RNF19B: variants seen among roughly 807,000 people sequenced by gnomAD.
RNF19B encodes ring finger protein 19B, also known as E3 ubiquitin-protein ligase RNF19B.
RNF19B carries 23 observed loss-of-function variants against 65.5 expected under a neutral mutation model. The ratio of observed to expected loss-of-function variants is 0.35; its 90% CI spans 0.25 to 0.50. RNF19B has a LOEUF of 0.50. RNF19B is among the 20% of genes least tolerant of loss of function. RNF19B has a pLI of 0.98. For synonymous variants in RNF19B, 372 were observed against 379.6 expected, an observed-to-expected ratio of 0.98 and a Z score of 0.23; for missense variants, 794 against 980.0, an observed-to-expected ratio of 0.81 and a Z score of 2.53.
chr1:32,954,654 C>T (rs1309107506), intron 1 of RNF19B, among the ~76,000 whole-genome samples: 1 of 150,970 alleles, frequency 6.6e-6, no homozygotes, highest in Non-Finnish European at 1.5e-5. Flanking sequence ...AGGAGAATTG[C>T]TTGAAACTGG....
intron 1 of RNF19B, among the ~76,000 whole-genome samples, chr1:32,952,429 TAAAAAAAAA>T (rs375150376): frequency 2.4e-4 from 18 of 73,998 alleles, no homozygotes; most frequent in African/African-American, 1.2e-3. Context: ...CCTTTTCTCT[TAAAAAAAAA>T]AAAAAAAAAA....
intron 1 of RNF19B, among the ~76,000 whole-genome samples, chr1:32,959,472 G>A (rs1254961366): frequency 1.3e-5 from 2 of 152,158 alleles, no homozygotes; most frequent in Non-Finnish European, 2.9e-5. Flanking sequence ...CTTGGGCAGA[G>A]ACTCAAAAGC....
Position 32,964,728 on chromosome 1 carries a change from C to A in RNF19B, c.-43G>T. 7.4e-7 allele frequency: 1 copy of A among 1,358,456 alleles called. No homozygotes were observed. Among genetic ancestry groups the A allele is most frequent in the Non-Finnish European group, 9.4e-7 (1 of 1,059,528 alleles). 84.2% of individuals were successfully genotyped at this position (1,358,456 alleles called of 1,614,324 possible). On this transcript the variant is annotated 5_prime_UTR_variant, in exon 1 of 9. Transcript: ENST00000235150. This position sits in a 1 kb window ranked among gnomAD's most constrained non-coding sequence, Gnocchi z 6.5. ...GAGCCAGGGGCGCCCAGCGCCGCCA[C>A]AGCTCCCGCCTCAGCGCCCCTCAGC...
At chr1:32,957,883 T>C (rs1642676996) in intron 1 of RNF19B, among the ~76,000 whole-genome samples, 1 of 152,222 alleles carries the variant, frequency 6.6e-6, no homozygotes. Context: ...ATACTATTCT[T>C]GCTTATCTCT....
downstream of RNF19B, among the ~76,000 whole-genome samples, chr1:32,932,693 G>A (rs935571120): frequency 2.0e-5 from 3 of 152,084 alleles, no homozygotes; most frequent in Non-Finnish European, 4.4e-5. Context: ...TCTGTCTGGC[G>A]CTGAAGATTA....
At position 32,964,543 on chromosome 1, in the gene RNF19B, G is replaced by A; in HGVS notation, c.143C>T (p.Ala48Val). The change falls in exon 1 of 9, where the codon GCC becomes GTC. Residue 48 changes from alanine (A) to valine (V), a missense_variant. Ala to Val is a moderately conservative substitution (Grantham distance 64). Around this residue, in one of 3 missense-constraint regions of RNF19B, gnomAD observed 374 missense variants for 423.8 expected, o/e 0.88. Coordinates refer to ENST00000235150, the MANE Select transcript of RNF19B (RefSeq NM_001300826.2). This position sits in a 1 kb window ranked among gnomAD's most constrained non-coding sequence, Gnocchi z 6.5. ...CGGCTCGGCCTGCGGCTTGGCCCGGGCGCGGCGGCCGCGGGCCGAGGCAGA... is the reference window on the plus strand; with the variant it reads ...CGGCTCGGCCTGCGGCTTGGCCCGGACGCGGCGGCCGCGGGCCGAGGCAGA... The part of the protein sequence containing the change: ...VFSASARGRR[A>V]RAKPQAEPPP... The A allele has an allele frequency of 8.3e-7, 1 of 1,202,516 alleles. No individual in the cohort carries two copies. The highest frequency in any genetic ancestry group is 1.0e-6 in the Non-Finnish European group (1 of 961,322). 74.5% of individuals were successfully genotyped at this position (1,202,516 alleles called of 1,614,324 possible). A position where few individuals can be genotyped will look rare whatever the true frequency, so the allele number is the denominator to read the frequency against.
At chr1:32,954,226 T>C (rs1462423896) in intron 1 of RNF19B, among the ~76,000 whole-genome samples, 1 of 151,588 alleles carries the variant, frequency 6.6e-6, no homozygotes, top group African/African-American at 2.4e-5. Context: ...TTTTTTTTTT[T>C]CTTGAAAAAG....
Position 32,946,164 on chromosome 1 carries a change from G to A in RNF19B, c.1146+238C>T, listed in dbSNP as rs572899211. ...ACGTATTACAAATGTGAACCATCAT[G>A]CCTGGCCCAGCATTCTACCTTTAAG... is the stretch of plus-strand genomic sequence containing the variant. On this transcript the variant is annotated intron_variant, in intron 4 of 8. Coordinates refer to ENST00000235150, the MANE Select transcript of RNF19B (RefSeq NM_001300826.2). Among the ~76,000 whole-genome samples, 4 of 152,278 alleles carry A rather than the reference G, an allele frequency of 2.6e-5. No individual in the cohort carries two copies. In the East Asian group the frequency reaches 7.7e-4, roughly 29 times the overall value.
At chr1:32,956,543 G>A (rs369509088) in intron 1 of RNF19B, among the ~76,000 whole-genome samples, 6 of 152,182 alleles carry the variant, frequency 3.9e-5, no homozygotes, top group Middle Eastern at 3.4e-3. Flanking sequence ...ACTCCAGCAC[G>A]GGCAACAGAG....
At position 32,948,334 on chromosome 1, in the gene RNF19B, C is replaced by A; in HGVS notation, c.871G>T (p.Ala291Ser). ...CCATCATTCATCTTGATAATGTATG[C>A]ACTGCATCGTGGGCATGGCTTGATG... ...DDIKPCPRCS[A>S]YIIKMNDGSC... The change falls in exon 3 of 9, where the codon GCA (alanine) becomes TCA (serine). Residue 291 changes from alanine (A) to serine (S), a missense_variant. Ala to Ser is a moderately conservative substitution (Grantham distance 99). Coordinates refer to ENST00000235150, the MANE Select transcript of RNF19B (RefSeq NM_001300826.2). 1 of 1,613,974 alleles carries A rather than the reference C, an allele frequency of 6.2e-7. No individual in the cohort carries two copies. Among genetic ancestry groups the A allele is most frequent in the Non-Finnish European group, 8.5e-7 (1 of 1,179,906 alleles).
At position 32,964,337 on chromosome 1, in the gene RNF19B, C is replaced by T. The variant is rs995259761; in HGVS notation, c.349G>A (p.Val117Met). The T allele has an allele frequency of 1.6e-5, 23 of 1,453,118 alleles. No homozygotes were observed. Among genetic ancestry groups the T allele is most frequent in the Non-Finnish European group, 1.9e-5 (21 of 1,107,730 alleles). 90.0% of individuals were successfully genotyped at this position (1,453,118 alleles called of 1,614,324 possible). The change falls in exon 1 of 9, where the codon GTG becomes ATG. Residue 117 changes from valine (V) to methionine (M), a missense_variant. By Grantham distance (21) the Val-to-Met change is conservative (BLOSUM62 1). Around this residue, in one of 3 missense-constraint regions of RNF19B, gnomAD observed 374 missense variants for 423.8 expected, o/e 0.88. Coordinates refer to ENST00000235150, the MANE Select transcript of RNF19B (RefSeq NM_001300826.2). This position sits in a 1 kb window ranked among gnomAD's most constrained non-coding sequence, Gnocchi z 6.5. ...CGCACCAGGCACAGCGGACACTCCA[C>T]CTCCTCCGCGCCCGGGCCACCGCCC... ...AEGGGPGAEE[V>M]ECPLCLVRLP...
At chr1:32,952,277 AC>A (rs1485950509) in intron 1 of RNF19B, among the ~76,000 whole-genome samples, 5 of 151,838 alleles carry the variant, frequency 3.3e-5, no homozygotes, top group African/African-American at 1.2e-4. Flanking sequence ...GATTACTCTA[AC>A]AAGAAATATA....
In RNF19B at chr1:32,943,408, G is replaced by A. The variant is rs145940972; in HGVS notation, c.1402+611C>T. Among the ~76,000 whole-genome samples the A allele has an allele frequency of 2.5e-3, 385 of 151,880 alleles. 2 individuals are homozygous for A. The highest frequency in any genetic ancestry group is 8.7e-3 in the African/African-American group (360 of 41,388). On this transcript the variant is annotated intron_variant, in intron 6 of 8. Coordinates refer to ENST00000235150, the MANE Select transcript of RNF19B (RefSeq NM_001300826.2). ...GGGCGGATCATGGGGTGAGGAGATC[G>A]AGATCTTCCTGGCTAACACGGTGAA...
chr1:32,929,370 G>A, the RNF19B span, among the ~76,000 whole-genome samples: 6 of 152,208 alleles, frequency 3.9e-5, no homozygotes, highest in African/African-American at 1.4e-4. Context: ...CCAAATAAGG[G>A]CACATTTTGA....
At chr1:32,955,027 T>C (rs557845295) in intron 1 of RNF19B, among the ~76,000 whole-genome samples, 1 of 152,138 alleles carries the variant, frequency 6.6e-6, no homozygotes, top group Non-Finnish European at 1.5e-5. Context: ...TTAACCTCTC[T>C]AGGCAGCTCG....
At chr1:32,933,518 G>A (rs1642054766), downstream of RNF19B, among the ~76,000 whole-genome samples, 1 of 152,022 alleles carries the variant, frequency 6.6e-6, no homozygotes, top group Admixed American at 6.6e-5. Flanking sequence ...GCCTCCCAAA[G>A]TGCTGGGATT....
Position 32,944,164 on chromosome 1 carries a change from G to A in RNF19B, c.1262-5C>T, listed in dbSNP as rs759326070. ...GCATAATGGGGACACCAATACCTGG[G>A]GGAAGAGAAGGAAACATGTCAGCTG... On this transcript the variant is annotated splice_region_variant and splice_polypyrimidine_tract_variant and intron_variant, in intron 5 of 8. Coordinates refer to ENST00000235150, the MANE Select transcript of RNF19B (RefSeq NM_001300826.2). The A allele has an allele frequency of 6.2e-7, 1 of 1,606,844 alleles. No individual in the cohort carries two copies. Among genetic ancestry groups the A allele is most frequent in the Admixed American group, 1.7e-5 (1 of 58,256 alleles).
intron 1 of RNF19B, among the ~76,000 whole-genome samples, chr1:32,960,898 A>G (rs1381847520): frequency 2.0e-5 from 3 of 152,122 alleles, no homozygotes; most frequent in Admixed American, 2.0e-4. Flanking sequence ...CCGTGTTCCC[A>G]GCTACTTGAG....
chr1:32,947,768 A>G (rs755816019), intron 3 of RNF19B, among the ~76,000 whole-genome samples: 3 of 152,138 alleles, frequency 2.0e-5, no homozygotes, highest in Non-Finnish European at 4.4e-5. Context: ...CAGTTTAGTA[A>G]GATAAGATAG....
Sources: gnomAD v4.1 joint callset for allele counts (sites outside exome capture counted in the v4.1 genomes callset) on GRCh38, gnomAD v4.1.1 for gene constraint, gnomAD v4.1.1 regional missense constraint, Gnocchi (gnomAD v3.1) non-coding constraint, MANE v1.5 for transcripts, NCBI Gene and HGNC (gene_info 2026-07-23, HGNC 2026-07-21) for gene names.